Variants in PLXNA1 observed in about 807,000 individuals in gnomAD.
The protein encoded by PLXNA1 is plexin-A1.
PLXNA1 carries 77 observed loss-of-function variants against 191.7 expected under a neutral mutation model. The ratio of observed to expected loss-of-function variants is 0.40; its 90% CI spans 0.33 to 0.49. The LOEUF is 0.49. Ranked by LOEUF, PLXNA1 falls within the 20% of genes least tolerant of loss-of-function variation. The probability of loss-of-function intolerance (pLI) is 0.63; values close to 1 mark genes in which losing one functional copy is unlikely to be tolerated. For synonymous variants in PLXNA1, 1,137 were observed against 1,156.4 expected, an observed-to-expected ratio of 0.98 and a Z score of 0.34; for missense variants, 2,110 against 2,660.2, an observed-to-expected ratio of 0.79 and a Z score of 4.55.
intron 20 of PLXNA1, 63 bp downstream of exon 20, chr3:127,018,591 C>T: frequency 2.3e-6 from 3 of 1,302,274 alleles, no homozygotes; most frequent in Non-Finnish European, 2.2e-6. Context: ...TGGCCTGTCC[C>T]CACACCTACT....
rs1401630352 is a variant in PLXNA1, at chr3:127,016,922, C to T, written c.3183-22C>T. 5 of 1,596,696 alleles carry T rather than the reference C, an allele frequency of 3.1e-6. No homozygotes were observed. The Admixed American group carries it at 5.0e-5, about 16-fold the overall frequency. ...GGGCCCCAGCATCATTTGGTGACCC[C>T]CCCACCCCTGTCCTGTTCCAGCGGT... On this transcript the variant is annotated intron_variant, in intron 16 of 31. Coordinates refer to ENST00000393409, the MANE Select transcript of PLXNA1 (RefSeq NM_032242.4).
chr3:127,017,934 C>G (rs772098742), intron 19 of PLXNA1, 42 bp downstream of exon 19: 4 of 1,604,976 alleles, frequency 2.5e-6, no homozygotes, highest in Non-Finnish European at 3.4e-6. Context: ...GAGAGCCATG[C>G]CCCACCTGTG....
intron 8 of PLXNA1, 35 bp from the exon 9 acceptor site, chr3:127,007,764 G>A (rs372295116): frequency 4.8e-6 from 7 of 1,454,670 alleles, no homozygotes; most frequent in Middle Eastern, 1.8e-4. Context: ...GTGGTTGCGG[G>A]TCCCCAGGCT....
chr3:127,032,667 C>A lies in PLXNA1; in HGVS notation c.5445-19C>A, dbSNP rs1205639330. ...AGCCTGGACTCTGCTCATGTGCCCA[C>A]CTGGCCACTCACCTGCAGGTACTAT... On this transcript the variant is annotated intron_variant, in intron 30 of 31. Coordinates refer to ENST00000393409, the MANE Select transcript of PLXNA1 (RefSeq NM_032242.4). 3 of 1,612,116 alleles carry A rather than the reference C, an allele frequency of 1.9e-6. No homozygotes were observed. Among genetic ancestry groups the A allele is most frequent in the Non-Finnish European group, 2.5e-6 (3 of 1,179,328 alleles).
intron 3 of PLXNA1, among the ~76,000 whole-genome samples, chr3:127,001,154 C>T (rs574302894): frequency 2.0e-5 from 3 of 152,246 alleles, no homozygotes; most frequent in East Asian, 3.9e-4. Flanking sequence ...TTCCTGGGAC[C>T]CCTCCTTGCA....
intron 8 of PLXNA1, among the ~76,000 whole-genome samples, chr3:127,006,740 C>T (rs1340523928): frequency 2.0e-5 from 3 of 152,238 alleles, no homozygotes; most frequent in Non-Finnish European, 4.4e-5. Flanking sequence ...GTGCACGCCC[C>T]CTGCTTGGGC....
intron 6 of PLXNA1, 34 bp downstream of exon 6, chr3:127,005,042 G>A: frequency 6.2e-7 from 1 of 1,609,494 alleles, no homozygotes; most frequent in Non-Finnish European, 8.5e-7. Flanking sequence ...AAGGGGTGGG[G>A]GACAGCCATG....
intron 23 of PLXNA1, chr3:127,027,607 G>A: frequency 2.1e-6 from 1 of 482,286 alleles, no homozygotes; most frequent in Non-Finnish European, 4.1e-6. Flanking sequence ...GAGACCAGGG[G>A]AGACTTCTGG....
Position 127,027,947 on chromosome 3 carries a change from C to T in PLXNA1, c.4370C>T (p.Ala1457Val). 1 of 1,613,406 alleles carries T rather than the reference C, an allele frequency of 6.2e-7. No individual in the cohort carries two copies. The highest frequency in any genetic ancestry group is 1.1e-5 in the South Asian group (1 of 91,086). Residue 1457 changes from alanine (A) to valine (V), a missense_variant, in exon 24 of 32, where the codon GCT (alanine) becomes GTT (valine). By Grantham distance (64) the Ala-to-Val change is moderately conservative. Coordinates refer to ENST00000393409, the MANE Select transcript of PLXNA1 (RefSeq NM_032242.4). ...ATGCCGCCACCCCCGCAGGAGTGCG[C>T]TGGGGAGCCGCTGTTCATGCTGTAC... ...FLLYKFLKEC[A>V]GEPLFMLYCA...
intron 1 of PLXNA1, among the ~76,000 whole-genome samples, chr3:126,986,499 GA>G (rs2078959820): frequency 6.6e-6 from 1 of 152,206 alleles, no homozygotes; most frequent in Admixed American, 6.5e-5. Context: ...AGTGAAACAG[GA>G]GTGAAGAAGC....
Position 127,005,147 on chromosome 3 carries a change from G to A in PLXNA1, c.1801G>A (p.Glu601Lys), listed in dbSNP as rs1413725035. 6.8e-6 allele frequency: 11 copies of A among 1,612,742 alleles called. No individual in the cohort carries two copies. Among genetic ancestry groups the A allele is most frequent in the Non-Finnish European group, 9.3e-6 (11 of 1,179,946 alleles). The stretch of plus-strand genomic sequence containing the variant: ...CTCAGCTGGCGTCAACTGCTCCTTC[G>A]AGGACTTCACGGAATCTGAGAGCGT... ...DLSAGVNCSFEDFTESESVLE... is the reference protein window; with the variant it reads ...DLSAGVNCSFKDFTESESVLE... The change falls in exon 7 of 32, where the codon GAG becomes AAG. Residue 601 changes from glutamate to lysine, a missense_variant. Glu to Lys is a moderately conservative substitution (Grantham distance 56). Around this residue, in one of 4 missense-constraint regions of PLXNA1, gnomAD observed 903 missense variants for 1,015.7 expected, o/e 0.89. Coordinates refer to ENST00000393409, the MANE Select transcript of PLXNA1 (RefSeq NM_032242.4).
chr3:127,028,715 A>C (rs1485507558), intron 25 of PLXNA1: 1 of 544,838 alleles, frequency 1.8e-6, no homozygotes, highest in South Asian at 2.4e-5. Flanking sequence ...CTGGGTCCCC[A>C]CAGAAGCCTC....
chr3:127,028,216 A>G lies in PLXNA1; in HGVS notation c.4545A>G (p.Ala1515=). The part of the protein sequence containing the change: ...LNCVNPENEN[A]PEVPVKGLDC... ...GTGTGAACCCTGAGAATGAGAATGC[A>G]CCTGAGGTGCCGGTGAAGGGGCTGG... The change falls in exon 25 of 32, where the codon GCA becomes GCG. Residue 1515 remains alanine, a synonymous_variant. Coordinates refer to ENST00000393409, the MANE Select transcript of PLXNA1 (RefSeq NM_032242.4). 6.2e-7 allele frequency: 1 copy of G among 1,613,142 alleles called. No homozygotes were observed. The highest frequency in any genetic ancestry group is 8.5e-7 in the Non-Finnish European group (1 of 1,179,986).
chr3:127,020,353 A>G lies in PLXNA1; in HGVS notation c.4038+9A>G. ...TGCTCAAGGAGATGGAGGTAGGACC[A>G]CTGGCTCCGGGGGGTCACAGGAACT... On this transcript the variant is annotated intron_variant, in intron 21 of 31. Coordinates refer to ENST00000393409, the MANE Select transcript of PLXNA1 (RefSeq NM_032242.4). 5 of 1,611,604 alleles carry G rather than the reference A, an allele frequency of 3.1e-6. No individual in the cohort carries two copies. Among genetic ancestry groups the G allele is most frequent in the Non-Finnish European group, 4.2e-6 (5 of 1,179,262 alleles).
chr3:127,031,179 C>A (rs1017234133), intron 29 of PLXNA1, among the ~76,000 whole-genome samples: 3 of 152,214 alleles, frequency 2.0e-5, no homozygotes, highest in African/African-American at 7.2e-5. Context: ...AGCCCTTGGC[C>A]TCACTCCTTA....
chr3:127,007,922 G>C lies in PLXNA1; in HGVS notation c.2112+9G>C. The C allele has an allele frequency of 2.5e-6, 4 of 1,590,450 alleles. No individual in the cohort carries two copies. The highest frequency in any genetic ancestry group is 3.4e-6 in the Non-Finnish European group (4 of 1,161,070). On this transcript the variant is annotated intron_variant, in intron 9 of 31. Transcript: ENST00000393409. Reference sequence around the variant, plus strand: ...GTGTCAACGTGTCTGAGGTAAGGCCGGGCAAGGGTGAGGGTCAGGTTTTCA... The same window carrying C: ...GTGTCAACGTGTCTGAGGTAAGGCCCGGCAAGGGTGAGGGTCAGGTTTTCA...
At chr3:127,018,607 C>T (rs1446519167) in intron 20 of PLXNA1, 79 bp downstream of exon 20, 29 of 1,062,698 alleles carry the variant, frequency 2.7e-5, no homozygotes, top group Non-Finnish European at 3.9e-5. Flanking sequence ...CTACTTCCCA[C>T]CGCCGCCCCC....
intron 2 of PLXNA1, among the ~76,000 whole-genome samples, chr3:126,990,853 C>T (rs1287651386): frequency 1.3e-5 from 2 of 152,182 alleles, no homozygotes; most frequent in South Asian, 2.1e-4. Flanking sequence ...AGGGGCAGAG[C>T]CTGGGTGAAG....
At position 127,012,089 on chromosome 3, in the gene PLXNA1, C is replaced by A. The variant is rs1045143459; in HGVS notation, c.2244C>A (p.Ile748=). The change falls in exon 10 of 32, where the codon ATC becomes ATA. Residue 748 remains isoleucine (I), a synonymous_variant. Transcript: ENST00000393409. ...GTGGATATGAGTGCCTCTTCCACAT[C>A]CCGGGCAGCCCGGCCCGTGTCACCG... ...GQRGYECLFH[I]PGSPARVTAL... 5.6e-6 allele frequency: 9 copies of A among 1,613,506 alleles called. No homozygotes were observed. The highest frequency in any genetic ancestry group is 6.8e-6 in the Non-Finnish European group (8 of 1,180,050).
Sources: allele counts gnomAD v4.1 joint callset (sites outside exome capture counted in the v4.1 genomes callset), GRCh38; gene constraint gnomAD v4.1.1; regional missense constraint gnomAD v4.1.1; transcripts MANE v1.5; gene names NCBI Gene and HGNC (gene_info 2026-07-23, HGNC 2026-07-21).